RAB38: variants seen among roughly 807,000 people sequenced by gnomAD.
RAB38 encodes the protein RAB38, member RAS oncogene family.
In RAB38, 15 loss-of-function variants were observed where a neutral mutation model predicts 18.4. The observed-to-expected ratio is 0.82, with a 90% confidence interval of 0.55 to 1.26. The LOEUF (loss-of-function observed/expected upper bound fraction) is 1.26. RAB38 is among the 50% of genes most tolerant of loss of function. RAB38 has a pLI of 0.00. For missense variants in RAB38, 294 were observed against 267.4 expected (o/e 1.10, Z -0.69); for synonymous variants, 101 against 104.4 (o/e 0.97, Z 0.20).
At chr11:87,952,874 T>TCAATCATAAGCTCATCAGTCTG in the RAB38 span, among the ~76,000 whole-genome samples, 1 of 152,188 alleles carries the variant, frequency 6.6e-6, no homozygotes, top group African/African-American at 2.4e-5. Context: ...AAACTATCAA[T>TCAATCATAAGCTCATCAGTCTG]CAATCATAAG....
At chr11:87,856,543 A>G in the RAB38 span, among the ~76,000 whole-genome samples, 1 of 152,220 alleles carries the variant, frequency 6.6e-6, no homozygotes, top group African/African-American at 2.4e-5. Context: ...GTATGTGAAC[A>G]TAACAAACAC....
chr11:88,164,774 G>A lies in RAB38; in HGVS notation c.202+10409C>T, dbSNP rs578074003. On this transcript the variant is annotated intron_variant, in intron 1 of 2. Transcript: ENST00000243662. ...TAAGGATTTGGATGCGGTGAACTGAGAAAGTTTGAGAACTTGCGCTGTAGC... is the reference window on the plus strand; with the variant it reads ...TAAGGATTTGGATGCGGTGAACTGAAAAAGTTTGAGAACTTGCGCTGTAGC... Among the ~76,000 whole-genome samples the A allele has an allele frequency of 2.6e-5, 4 of 152,054 alleles. No homozygotes were observed. In the South Asian group the frequency reaches 8.3e-4, roughly 32 times the overall value.
chr11:88,005,232 G>A, the RAB38 span, among the ~76,000 whole-genome samples: 23 of 151,450 alleles, frequency 1.5e-4, no homozygotes, highest in South Asian at 6.2e-4. Flanking sequence ...ACCAGATTAC[G>A]TAGATTACTA....
chr11:87,811,186 C>G, the RAB38 span, among the ~76,000 whole-genome samples: 2 of 152,212 alleles, frequency 1.3e-5, no homozygotes, highest in Non-Finnish European at 2.9e-5. Flanking sequence ...ACATGCCCAT[C>G]TGAGGCTTTT....
chr11:88,100,439 C>T, the RAB38 span, among the ~76,000 whole-genome samples: 2 of 151,946 alleles, frequency 1.3e-5, no homozygotes, highest in Admixed American at 1.3e-4. Flanking sequence ...AAAGTCTTTC[C>T]GATGGCATGT....
At chr11:87,873,920 G>GTGTATATATATATA in the RAB38 span, among the ~76,000 whole-genome samples, 1 of 33,836 alleles carries the variant, frequency 3.0e-5, no homozygotes, top group Admixed American at 4.4e-4. Context: ...GTGTGTGTGT[G>GTGTATATATATATA]TGTATATATA....
At chr11:88,042,905 G>A in the RAB38 span, among the ~76,000 whole-genome samples, 2 of 152,164 alleles carry the variant, frequency 1.3e-5, no homozygotes, top group Admixed American at 6.5e-5. Context: ...TTTACAGAGG[G>A]TAATATAAGA....
At chr11:88,174,295 G>A (rs147814437) in intron 1 of RAB38, among the ~76,000 whole-genome samples, 3 of 152,294 alleles carry the variant, frequency 2.0e-5, no homozygotes, top group African/African-American at 7.2e-5. Context: ...CACACTTGGA[G>A]TAGATACATT....
the RAB38 span, among the ~76,000 whole-genome samples, chr11:87,957,796 G>C: frequency 6.6e-6 from 1 of 152,052 alleles, no homozygotes; most frequent in Non-Finnish European, 1.5e-5. Context: ...GTGGGGAAAG[G>C]AAGAAGGGAG....
chr11:87,947,005 C>T, the RAB38 span, among the ~76,000 whole-genome samples: 1 of 151,892 alleles, frequency 6.6e-6, no homozygotes, highest in South Asian at 2.1e-4. Flanking sequence ...ACAGTCCCAC[C>T]AACAGTGTAA....
the RAB38 span, among the ~76,000 whole-genome samples, chr11:87,951,765 C>G: frequency 6.6e-6 from 1 of 152,128 alleles, no homozygotes; most frequent in Admixed American, 6.5e-5. Context: ...GAAGTTTTGT[C>G]TCAGAGGAGT....
chr11:88,005,951 G>A, the RAB38 span, among the ~76,000 whole-genome samples: 1 of 151,282 alleles, frequency 6.6e-6, no homozygotes, highest in African/African-American at 2.4e-5. Context: ...CTGTTCCATT[G>A]GTCTATGTTT....
the RAB38 span, among the ~76,000 whole-genome samples, chr11:87,866,347 G>A: frequency 2.0e-5 from 3 of 151,668 alleles, no homozygotes; most frequent in Non-Finnish European, 4.4e-5. Flanking sequence ...ACTACTCCAT[G>A]GGCAATATCT....
the RAB38 span, among the ~76,000 whole-genome samples, chr11:88,084,027 T>C: frequency 3.3e-5 from 5 of 152,056 alleles, no homozygotes; most frequent in African/African-American, 9.6e-5. Context: ...ATTCAATAAA[T>C]GTTCACCCAA....
At chr11:88,172,127 C>T (rs776696432) in intron 1 of RAB38, among the ~76,000 whole-genome samples, 1 of 152,208 alleles carries the variant, frequency 6.6e-6, no homozygotes, top group Admixed American at 6.5e-5. Flanking sequence ...CTGAGTGAAA[C>T]GGAACCGGGT....
downstream of RAB38, among the ~76,000 whole-genome samples, chr11:88,112,252 C>T (rs1258565934): frequency 6.6e-6 from 1 of 152,174 alleles, no homozygotes; most frequent in East Asian, 1.9e-4. Context: ...TCATCCTTTT[C>T]CACTCAGATC....
the RAB38 span, among the ~76,000 whole-genome samples, chr11:88,013,243 GAACAAAGAAATA>G: frequency 6.6e-6 from 1 of 152,118 alleles, no homozygotes; most frequent in Non-Finnish European, 1.5e-5. Context: ...TAGAAAATTG[GAACAAAGAAATA>G]ACAGCCTTGA....
the RAB38 span, among the ~76,000 whole-genome samples, chr11:87,939,623 C>A: frequency 6.6e-6 from 1 of 151,654 alleles, no homozygotes; most frequent in Non-Finnish European, 1.5e-5. Flanking sequence ...TTTGGGAGGC[C>A]GAGGAGCTAA....
chr11:87,869,388 T>C, the RAB38 span, among the ~76,000 whole-genome samples: 1 of 151,676 alleles, frequency 6.6e-6, no homozygotes, highest in Non-Finnish European at 1.5e-5. Context: ...CATAGTTTCT[T>C]GGTCAGTATT....
Sources: gnomAD v4.1 joint callset for allele counts (sites outside exome capture counted in the v4.1 genomes callset) on GRCh38, gnomAD v4.1.1 for gene constraint, MANE v1.5 for transcripts, NCBI Gene and HGNC (gene_info 2026-07-23, HGNC 2026-07-21) for gene names.